ABCB10: variants seen among roughly 807,000 people sequenced by gnomAD.
ABCB10 encodes the protein ATP-binding cassette sub-family B member 10, mitochondrial.
Under a neutral mutation model 65.4 loss-of-function variants are expected in ABCB10, and 54 were observed. The observed-to-expected ratio is 0.83, with a 90% confidence interval of 0.66 to 1.04. The LOEUF (loss-of-function observed/expected upper bound fraction) is 1.04, where lower values mean the gene tolerates loss of function less well. Among genes scored for constraint, ABCB10 ranks in the 50% least tolerant of loss-of-function variants. The probability of loss-of-function intolerance (pLI) is 0.00; values close to 1 mark genes in which losing one functional copy is unlikely to be tolerated. For missense variants in ABCB10, 846 were observed against 976.6 expected (o/e 0.87, Z 1.78); for synonymous variants, 418 against 406.5 (o/e 1.03, Z -0.34).
At chr1:229,545,824 A>G (rs1317700790) in intron 3 of ABCB10, among the ~76,000 whole-genome samples, 1 of 152,198 alleles carries the variant, frequency 6.6e-6, no homozygotes, top group Non-Finnish European at 1.5e-5. Context: ...GACAGCAAGA[A>G]CAACCTTTCT....
At chr1:229,521,880 T>A (rs1571955498) in intron 10 of ABCB10, among the ~76,000 whole-genome samples, 1 of 152,228 alleles carries the variant, frequency 6.6e-6, no homozygotes, top group East Asian at 1.9e-4. Context: ...TTTCTTTCTG[T>A]TTTTGAGACA....
intron 6 of ABCB10, among the ~76,000 whole-genome samples, chr1:229,532,754 G>C (rs901694882): frequency 6.6e-6 from 1 of 152,050 alleles, no homozygotes; most frequent in Non-Finnish European, 1.5e-5. Flanking sequence ...GGTAGCATGT[G>C]CCTATATTCC....
intron 10 of ABCB10, among the ~76,000 whole-genome samples, chr1:229,523,721 C>T (rs1014576239): frequency 6.6e-6 from 1 of 152,126 alleles, no homozygotes; most frequent in Non-Finnish European, 1.5e-5. Context: ...CTGGTTACTT[C>T]GCTGAGAAAC....
intron 1 of ABCB10, among the ~76,000 whole-genome samples, chr1:229,552,245 A>T (rs1663135141): frequency 6.6e-6 from 1 of 152,260 alleles, no homozygotes; most frequent in Admixed American, 6.5e-5. Flanking sequence ...GTTAATCAAG[A>T]TCTGACTACA....
intron 8 of ABCB10, among the ~76,000 whole-genome samples, chr1:229,529,667 CAA>C (rs969766089): frequency 4.3e-5 from 1 of 23,218 alleles, no homozygotes; most frequent in Non-Finnish European, 8.1e-5. Flanking sequence ...AAGACTGTCT[CAA>C]AAAAAAAAAA....
intron 6 of ABCB10, among the ~76,000 whole-genome samples, chr1:229,532,606 C>A (rs1428556861): frequency 6.6e-6 from 1 of 150,568 alleles, no homozygotes; most frequent in Non-Finnish European, 1.5e-5. Flanking sequence ...AAGGGCCAGG[C>A]AAAATGGTTC....
intron 1 of ABCB10, among the ~76,000 whole-genome samples, chr1:229,554,240 G>A (rs2102712086): frequency 6.6e-6 from 1 of 152,306 alleles, no homozygotes; most frequent in African/African-American, 2.4e-5. Flanking sequence ...GAGAATGAGT[G>A]AGGACATGAG....
rs1662546620 is a variant in ABCB10 at position 229,530,195 on chromosome 1, T to C, written c.1645+4A>G. 1 of 1,613,526 alleles carries C rather than the reference T, an allele frequency of 6.2e-7. No individual in the cohort carries two copies. The highest frequency in any genetic ancestry group is 8.5e-7 in the Non-Finnish European group (1 of 1,179,836). ...TCGGTGCTACAGTGTGGTGAACTGC[T>C]TACCAGAAGCAGGGTCGTACAACCT... On this transcript the variant is annotated splice_donor_region_variant and intron_variant, in intron 8 of 12. Coordinates refer to ENST00000344517, the MANE Select transcript of ABCB10 (RefSeq NM_012089.3).
chr1:229,556,867 C>G lies in ABCB10; in HGVS notation c.517+1269G>C, dbSNP rs1051853402. On this transcript the variant is annotated intron_variant, in intron 1 of 12. Coordinates refer to ENST00000344517, the MANE Select transcript of ABCB10 (RefSeq NM_012089.3). Reference sequence around the variant, plus strand: ...GGCACTCTGAGCGCCTGCTCTGTGCCGTGCACATGCTAAGAACTAGAGACA... The same window carrying G: ...GGCACTCTGAGCGCCTGCTCTGTGCGGTGCACATGCTAAGAACTAGAGACA... Among the ~76,000 whole-genome samples, 5 of 152,114 alleles carry G rather than the reference C, an allele frequency of 3.3e-5. No homozygotes were observed. In the South Asian group the frequency reaches 1.0e-3, roughly 32 times the overall value.
rs569455366 is a variant in ABCB10 at position 229,520,988 on chromosome 1, G to A, written c.1950+604C>T. The stretch of plus-strand genomic sequence containing the variant: ...CTGGACTTTGTGTGCAACCAACTCC[G>A]CAAATTTACTAAAAGTCACTGGAAA... On this transcript the variant is annotated intron_variant, in intron 11 of 12. Coordinates refer to ENST00000344517, the MANE Select transcript of ABCB10 (RefSeq NM_012089.3). Among the ~76,000 whole-genome samples, 14 of 152,052 alleles carry A rather than the reference G, an allele frequency of 9.2e-5. No individual in the cohort carries two copies. In the South Asian group the frequency reaches 1.0e-3, roughly 11 times the overall value.
intron 6 of ABCB10, among the ~76,000 whole-genome samples, chr1:229,535,654 T>C (rs144330963): frequency 2.5e-3 from 387 of 152,176 alleles, no homozygotes; most frequent in African/African-American, 9.0e-3. Flanking sequence ...TCCAAACCCA[T>C]AGAATGTACA....
At chr1:229,545,018 C>T (rs563754233) in intron 3 of ABCB10, among the ~76,000 whole-genome samples, 1 of 152,266 alleles carries the variant, frequency 6.6e-6, no homozygotes, top group East Asian at 1.9e-4. Context: ...AGCACCTTGA[C>T]CCTGGACTTC....
At chr1:229,546,273 C>G (rs1197020802) in intron 3 of ABCB10, among the ~76,000 whole-genome samples, 1 of 148,236 alleles carries the variant, frequency 6.7e-6, no homozygotes, top group African/African-American at 2.5e-5. Flanking sequence ...TTTCTTTTTT[C>G]TAGCTTACTC....
intron 1 of ABCB10, among the ~76,000 whole-genome samples, chr1:229,555,817 A>ATT (rs945267201): frequency 6.6e-6 from 1 of 151,296 alleles, no homozygotes; most frequent in African/African-American, 2.4e-5. Context: ...TAAATTACAC[A>ATT]TTTTTTTTTA....
chr1:229,533,713 T>C (rs750151210), intron 6 of ABCB10, among the ~76,000 whole-genome samples: 6 of 152,236 alleles, frequency 3.9e-5, no homozygotes, highest in Non-Finnish European at 8.8e-5. Context: ...CAAATGGTTC[T>C]AGAACAACTG....
chr1:229,558,106 G>T, intron 1 of ABCB10, 30 bp downstream of exon 1: 1 of 1,332,932 alleles, frequency 7.5e-7, no homozygotes, highest in Non-Finnish European at 9.6e-7. Context: ...GAGAGGCCCG[G>T]CGGAGGGAAG....
chr1:229,544,153 T>C (rs1326698698), intron 3 of ABCB10, among the ~76,000 whole-genome samples: 1 of 152,136 alleles, frequency 6.6e-6, no homozygotes, highest in African/African-American at 2.4e-5. Context: ...GTGGCTCACG[T>C]CTGTAATCCT....
rs1017145115 is a variant in ABCB10 at position 229,558,336 on chromosome 1, G to A, written c.317C>T (p.Ala106Val). The A allele has an allele frequency of 3.3e-5, 42 of 1,256,706 alleles. 2 individuals are homozygous for A. The East Asian group carries it at 1.5e-3, about 45-fold the overall frequency. The allele number at this position is 1,256,706 out of a possible 1,614,324, so 77.8% of individuals were successfully genotyped here. Residue 106 changes from alanine (A) to valine (V), a missense_variant, in exon 1 of 13, where the codon GCC (alanine) becomes GTC (valine). Around this residue, in one of 2 missense-constraint regions of ABCB10, gnomAD observed 214 missense variants for 173.5 expected, o/e 1.23. Coordinates refer to ENST00000344517, the MANE Select transcript of ABCB10 (RefSeq NM_012089.3). The stretch of plus-strand genomic sequence containing the variant: ...CGGGAGCCGAGGAGCGCCTGGCCCG[G>A]CAAAAGCCCCGCACCTGCAGCTGCC... ...GPGSCRCGAF[A>V]GPGAPRLPRA... is the part of the protein sequence containing the mutation.
At position 229,553,356 on chromosome 1, in the gene ABCB10, C is replaced by T. The variant is rs751241904; in HGVS notation, c.518-3922G>A. Among the ~76,000 whole-genome samples, 142 of 152,164 alleles carry T rather than the reference C, an allele frequency of 9.3e-4. 1 individual carries two copies. Among genetic ancestry groups the T allele is most frequent in the Non-Finnish European group, 1.0e-3 (71 of 68,008 alleles). On this transcript the variant is annotated intron_variant, in intron 1 of 12. Transcript: ENST00000344517. ...AACTGCCGACCTCAGGTGATCCGCC[C>T]GCCTCAGCCTCCCAAAGTACTGGGA...
Sources: allele counts gnomAD v4.1 joint callset (sites outside exome capture counted in the v4.1 genomes callset), GRCh38; gene constraint gnomAD v4.1.1; regional missense constraint gnomAD v4.1.1; transcripts MANE v1.5; gene names NCBI Gene and HGNC (gene_info 2026-07-23, HGNC 2026-07-21).